Variants in SHBG observed in about 807,000 individuals in gnomAD.
SHBG encodes the protein sex hormone-binding globulin.
In SHBG, 37 loss-of-function variants were observed where a neutral mutation model predicts 41.9. That is an observed-to-expected ratio of 0.88 (90% CI 0.68 to 1.16). SHBG has a LOEUF of 1.16. Among genes scored for constraint, SHBG ranks in the 50% most tolerant of loss-of-function variants. The probability of loss-of-function intolerance (pLI) is 0.00; values close to 1 mark genes in which losing one functional copy is unlikely to be tolerated. For missense variants in SHBG, 466 were observed against 499.9 expected, an observed-to-expected ratio of 0.93 and a Z score of 0.65; for synonymous variants, 217 against 205.8, an observed-to-expected ratio of 1.05 and a Z score of -0.47.
At chr17:7,614,371 C>T in intron 1 of SHBG, 1 of 1,055,648 alleles carries the variant, frequency 9.5e-7, no homozygotes, top group South Asian at 1.5e-5. Context: ...GCTCCAGAAG[C>T]TCGATCCCGC....
At chr17:7,619,230 A>C (rs1443283591) in intron 1 of SHBG, among the ~76,000 whole-genome samples, 2 of 151,804 alleles carry the variant, frequency 1.3e-5, no homozygotes, top group African/African-American at 4.8e-5. Context: ...ATCTCTACTA[A>C]AAATACAAAA....
chr17:7,628,589 G>A (rs901662877), upstream of SHBG, among the ~76,000 whole-genome samples: 7 of 152,144 alleles, frequency 4.6e-5, no homozygotes, highest in African/African-American at 1.7e-4. Flanking sequence ...GGGATTACAG[G>A]CATGGGCAAC....
At chr17:7,627,910 G>T, upstream of SHBG, 1 of 595,600 alleles carries the variant, frequency 1.7e-6, no homozygotes. This position sits in a 1 kb window ranked among gnomAD's most constrained non-coding sequence, Gnocchi z 4.8. Context: ...CAGCCAATCA[G>T]CTTGGAGAAC....
chr17:7,627,344 C>T (rs376908982), upstream of SHBG: 6 of 1,613,986 alleles, frequency 3.7e-6, no homozygotes, highest in Non-Finnish European at 5.1e-6. The surrounding 1 kb of genome is among the most constrained non-coding windows in gnomAD (Gnocchi z 4.8). Flanking sequence ...CCGCCAGAAC[C>T]TGGGCGCTGA....
chr17:7,617,014 G>A (rs1272636168), intron 1 of SHBG, among the ~76,000 whole-genome samples: 1 of 152,168 alleles, frequency 6.6e-6, no homozygotes, highest in Non-Finnish European at 1.5e-5. Flanking sequence ...AAGGGTAGTA[G>A]CAGGAAAACT....
Position 7,631,260 on chromosome 17 carries a change from C to A in SHBG, c.454C>A (p.Arg152Ser). ...GGAGGTGGATGGGGAGGAGGTGCTG[C>A]GCCTGAGACAGGTCTCTGGGCCCCT... ...LLEVDGEEVL[R>S]LRQVSGPLTS... The change falls in exon 4 of 8, where the codon CGC becomes AGC. Residue 152 changes from arginine to serine, a missense_variant. Arg to Ser is a moderately radical substitution (Grantham distance 110). Coordinates refer to ENST00000380450, the MANE Select transcript of SHBG (RefSeq NM_001040.5). The A allele has an allele frequency of 6.2e-7, 1 of 1,609,746 alleles. No homozygotes were observed.
upstream of SHBG, chr17:7,630,127 A>G (rs781643129): frequency 8.6e-6 from 13 of 1,519,836 alleles, no homozygotes; most frequent in African/African-American, 1.1e-4. The surrounding 1 kb of genome is among the most constrained non-coding windows in gnomAD (Gnocchi z 4.6). Flanking sequence ...GCCTCTACAC[A>G]TTCTCCCAAG....
chr17:7,626,804 G>C (rs1476668633), upstream of SHBG: 11 of 1,614,020 alleles, frequency 6.8e-6, no homozygotes, highest in South Asian at 1.2e-4. Flanking sequence ...CTGTTGTGGA[G>C]AGAAAGAGGC....
intron 1 of SHBG, among the ~76,000 whole-genome samples, chr17:7,617,794 T>A (rs1188106509): frequency 6.6e-6 from 1 of 152,024 alleles, no homozygotes; most frequent in Non-Finnish European, 1.5e-5. Context: ...TTCAACAAAA[T>A]TTTCCAAGGC....
chr17:7,617,949 C>A (rs773521363), intron 1 of SHBG, among the ~76,000 whole-genome samples: 1 of 143,480 alleles, frequency 7.0e-6, no homozygotes, highest in African/African-American at 2.4e-5. Flanking sequence ...CTGGGTGCGG[C>A]GGCTCACGCC....
At chr17:7,629,607 T>C (rs1428282120), upstream of SHBG, among the ~76,000 whole-genome samples, 2 of 152,126 alleles carry the variant, frequency 1.3e-5, no homozygotes, top group Non-Finnish European at 2.9e-5. Context: ...TCAGACCAGA[T>C]GCCAGGCACT....
upstream of SHBG, chr17:7,626,509 C>A (rs2150961739): frequency 6.2e-7 from 1 of 1,614,172 alleles, no homozygotes; most frequent in African/African-American, 1.3e-5. Flanking sequence ...CAGCCCTCAG[C>A]TTCCGTCAGA....
At chr17:7,614,525 C>T in intron 1 of SHBG, 4 of 1,490,970 alleles carry the variant, frequency 2.7e-6, no homozygotes, top group Non-Finnish European at 2.7e-6. Flanking sequence ...AGAGGCCAGG[C>T]CGCCCATGGC....
At chr17:7,632,670 C>A in intron 6 of SHBG, 82 bp from the exon 7 acceptor site, 2 of 1,057,330 alleles carry the variant, frequency 1.9e-6, no homozygotes, top group South Asian at 1.3e-5. Context: ...AGAATTAAGG[C>A]AGCTAGGGGT....
chr17:7,619,053 A>C (rs1444779970), intron 1 of SHBG, among the ~76,000 whole-genome samples: 7 of 152,202 alleles, frequency 4.6e-5, no homozygotes, highest in Admixed American at 3.3e-4. Context: ...AAAGAATTGT[A>C]ACTATCCACA....
At position 7,630,250 on chromosome 17, in the gene SHBG, G is replaced by C; in HGVS notation, c.78G>C (p.Gln26His). 1 of 1,609,802 alleles carries C rather than the reference G, an allele frequency of 6.2e-7. No individual in the cohort carries two copies. Among genetic ancestry groups the C allele is most frequent in the Non-Finnish European group, 8.5e-7 (1 of 1,178,156 alleles). ...TGCTACTACTGCGTCACACCCGCCA[G>C]GGATGGGCCCTGAGACCTGTTCTCC... ...LLLLLLRHTR[Q>H]GWALRPVLPT... Residue 26 changes from glutamine (Q) to histidine (H), a missense_variant, in exon 1 of 8, where the codon CAG becomes CAC. By Grantham distance (24) the Gln-to-His change is conservative (BLOSUM62 0). Coordinates refer to ENST00000380450, the MANE Select transcript of SHBG (RefSeq NM_001040.5). This position sits in a 1 kb window ranked among gnomAD's most constrained non-coding sequence, Gnocchi z 4.6.
At chr17:7,614,445 G>T (rs2071920537) in intron 1 of SHBG, 3 of 1,531,872 alleles carry the variant, frequency 2.0e-6, no homozygotes, top group East Asian at 2.5e-5. Context: ...TCGGCGCGCC[G>T]TCTCACCTTG....
Position 7,630,648 on chromosome 17 carries a change from C to T in SHBG, c.204-32C>T, listed in dbSNP as rs369121621. The T allele has an allele frequency of 3.2e-5, 51 of 1,592,324 alleles. No individual in the cohort carries two copies. The highest frequency in any genetic ancestry group is 4.3e-5 in the Non-Finnish European group (50 of 1,161,004). On this transcript the variant is annotated intron_variant, in intron 2 of 7. Transcript: ENST00000380450. The surrounding 1 kb of genome is among the most constrained non-coding windows in gnomAD (Gnocchi z 4.6). Reference sequence around the variant, plus strand: ...ACACTGGTTCTCAAAGGACACATGACATACACAATCTTTCCTTCTGTGTCC... The same window carrying T: ...ACACTGGTTCTCAAAGGACACATGATATACACAATCTTTCCTTCTGTGTCC...
At position 7,630,941 on chromosome 17, in the gene SHBG, T is replaced by G. The variant is rs542691186; in HGVS notation, c.393+72T>G. On this transcript the variant is annotated intron_variant, in intron 3 of 7. Transcript: ENST00000380450. This position sits in a 1 kb window ranked among gnomAD's most constrained non-coding sequence, Gnocchi z 4.6. Reference sequence around the variant, plus strand: ...GAGGAAAGGGAACAAAACCAAGTTATTGGGCATCCCTCTACCACTGTCATC... The same window carrying G: ...GAGGAAAGGGAACAAAACCAAGTTAGTGGGCATCCCTCTACCACTGTCATC... 40 of 1,411,084 alleles carry G rather than the reference T, an allele frequency of 2.8e-5. No homozygotes were observed. The South Asian group carries it at 4.1e-4, about 14-fold the overall frequency. The allele number at this position is 1,411,084 out of a possible 1,614,324, so 87.4% of individuals were successfully genotyped here.
Sources: gnomAD v4.1 joint callset for allele counts (sites outside exome capture counted in the v4.1 genomes callset) on GRCh38, gnomAD v4.1.1 for gene constraint, Gnocchi (gnomAD v3.1) non-coding constraint, MANE v1.5 for transcripts, NCBI Gene and HGNC (gene_info 2026-07-23, HGNC 2026-07-21) for gene names.